NME5: variants seen among roughly 807,000 people sequenced by gnomAD.
The protein encoded by NME5 is NME/NM23 family member 5, also known as nucleoside diphosphate kinase 5.
In NME5, 18 loss-of-function variants were observed where a neutral mutation model predicts 21.6. The ratio of observed to expected loss-of-function variants is 0.83; its 90% CI spans 0.58 to 1.24. The LOEUF (loss-of-function observed/expected upper bound fraction) is 1.24, where lower values mean the gene tolerates loss of function less well. Ranked by LOEUF, NME5 falls within the 50% of genes most tolerant of loss-of-function variation. The pLI is 0.00. For missense variants in NME5, 223 were observed against 255.4 expected (o/e 0.87, Z 0.86); for synonymous variants, 70 against 80.6 (o/e 0.87, Z 0.71).
At position 138,139,403 on chromosome 5, in the gene NME5, T is replaced by G. The variant is rs936735232; in HGVS notation, c.-38A>C. The G allele has an allele frequency of 2.0e-6, 2 of 985,512 alleles. No individual in the cohort carries two copies. The highest frequency in any genetic ancestry group is 3.5e-5 in the African/African-American group (2 of 57,204). 61.0% of individuals were successfully genotyped at this position (985,512 alleles called of 1,614,324 possible). On this transcript the variant is annotated 5_prime_UTR_variant, in exon 1 of 6. Transcript: ENST00000265191. ...GCCGTCCTCATATGGTACAACTTGT[T>G]GCTAGGAGACCTGAAGCCCCAGCGT...
rs774106882 is a variant in NME5, at chr5:138,129,264, T to C, written c.334A>G (p.Ser112Gly). The C allele has an allele frequency of 6.2e-7, 1 of 1,606,734 alleles. No homozygotes were observed. Among genetic ancestry groups the C allele is most frequent in the Admixed American group, 1.7e-5 (1 of 59,934 alleles). The change falls in exon 3 of 6, where the codon AGT becomes GGT. Residue 112 changes from serine to glycine, a missense_variant and splice_region_variant. Coordinates refer to ENST00000265191, the MANE Select transcript of NME5 (RefSeq NM_003551.3). ...CATCCCCCAAACCCTGAAAATTACC[T>C]GTCTGGATGTGTCTCCTTCGCTACT... is the stretch of plus-strand genomic sequence containing the variant. ...SLVAKETHPD[S>G]LRAIYGTDDL...
Position 138,122,228 on chromosome 5 carries a change from C to T in NME5, c.437-3292G>A, listed in dbSNP as rs571831635. 1.7e-4 allele frequency among the ~76,000 whole-genome samples: 26 copies of T among 151,960 alleles called. No homozygotes were observed. The South Asian group carries it at 4.8e-3, about 28-fold the overall frequency. The stretch of plus-strand genomic sequence containing the variant: ...CCAAGGCGGGTGGATCACCTGAAGT[C>T]AGGAGTTTGAGACCAGCCTGCCCAA... On this transcript the variant is annotated intron_variant, in intron 4 of 5. Transcript: ENST00000265191.
At position 138,129,459 on chromosome 5, in the gene NME5, GT is replaced by G. The variant is rs759148309; in HGVS notation, c.138del (p.Lys46AsnfsTer25). ...RSGFTIVQRR[K>X]LRLSPEQCSN... is the part of the protein sequence containing the mutation. ...CTACATTGCTCAGGGCTGAGGCGTA[GT>G]TTTCTTCTCTATAAAAGACACAAAG... is the stretch of plus-strand genomic sequence containing the variant. On this transcript the variant is annotated frameshift_variant, in exon 3 of 6. Coordinates refer to ENST00000265191, the MANE Select transcript of NME5 (RefSeq NM_003551.3). LOFTEE classifies it high-confidence loss of function. 2 of 1,613,292 alleles carry G rather than the reference GT, an allele frequency of 1.2e-6. No homozygotes were observed. The highest frequency in any genetic ancestry group is 1.7e-6 in the Non-Finnish European group (2 of 1,179,404).
chr5:138,130,833 G>A (rs757584175), intron 2 of NME5, among the ~76,000 whole-genome samples: 1 of 152,074 alleles, frequency 6.6e-6, no homozygotes. Context: ...GGCTGAGGCA[G>A]GCCAACAGCT....
At chr5:138,116,468 A>G (rs943738056) in intron 5 of NME5, 8 of 152,168 alleles carry the variant, frequency 5.3e-5, no homozygotes, top group African/African-American at 1.9e-4. Context: ...ACTGATTTGT[A>G]CTCTCAATTT....
chr5:138,124,058 G>A (rs768569775), intron 4 of NME5, among the ~76,000 whole-genome samples: 16 of 136,884 alleles, frequency 1.2e-4, no homozygotes, highest in South Asian at 4.9e-4. Context: ...GTGCAATGGC[G>A]CGATCTTGGC....
intron 3 of NME5, among the ~76,000 whole-genome samples, chr5:138,128,952 T>C (rs1448129830): frequency 6.6e-6 from 1 of 152,198 alleles, no homozygotes; most frequent in Non-Finnish European, 1.5e-5. Flanking sequence ...TCTTTTAAAA[T>C]ACCATTCCAA....
At chr5:138,123,796 T>C (rs1015037924) in intron 4 of NME5, among the ~76,000 whole-genome samples, 2 of 152,142 alleles carry the variant, frequency 1.3e-5, no homozygotes. Flanking sequence ...CTTGAGGAAC[T>C]TCCATACTGT....
In NME5 at chr5:138,138,805, A is replaced by G; in HGVS notation, c.-5-20T>C. 1 of 1,592,988 alleles carries G rather than the reference A, an allele frequency of 6.3e-7. No individual in the cohort carries two copies. Among genetic ancestry groups the G allele is most frequent in the Non-Finnish European group, 8.5e-7 (1 of 1,174,184 alleles). ...TTATGGCTTTTCAGGGCACAAATTA[A>G]GAGTTTCTTAACAGGTATCAACTGC... On this transcript the variant is annotated intron_variant, in intron 1 of 5. Coordinates refer to ENST00000265191, the MANE Select transcript of NME5 (RefSeq NM_003551.3).
At chr5:138,131,172 G>T (rs1751556849) in intron 2 of NME5, among the ~76,000 whole-genome samples, 1 of 136,502 alleles carries the variant, frequency 7.3e-6, no homozygotes, top group African/African-American at 2.8e-5. Context: ...TTCAAGACCA[G>T]CCTGGCCAAC....
At chr5:138,139,325 G>A in intron 1 of NME5, 46 bp downstream of exon 1, 1 of 983,184 alleles carries the variant, frequency 1.0e-6, no homozygotes. Context: ...GGGACTTTCC[G>A]GGTTGCACCT....
chr5:138,127,618 T>C (rs1366232660), intron 4 of NME5: 1 of 984,582 alleles, frequency 1.0e-6, no homozygotes, highest in Non-Finnish European at 1.2e-6. Flanking sequence ...CCAAATTTTA[T>C]TTCTGCTCTA....
chr5:138,128,413 C>A, intron 4 of NME5, 66 bp downstream of exon 4: 2 of 1,210,944 alleles, frequency 1.7e-6, no homozygotes, highest in South Asian at 1.4e-5. Flanking sequence ...CAGCTATATC[C>A]GCAAAATAAA....
At chr5:138,134,877 G>A (rs1361918467) in intron 2 of NME5, among the ~76,000 whole-genome samples, 2 of 150,530 alleles carry the variant, frequency 1.3e-5, no homozygotes, top group East Asian at 2.0e-4. Context: ...CACTGCGCCC[G>A]GCTAATTTTT....
intron 3 of NME5, 62 bp from the exon 4 acceptor site, chr5:138,128,641 T>C: frequency 1.9e-6 from 2 of 1,080,612 alleles, no homozygotes; most frequent in African/African-American, 1.6e-5. Context: ...TTTATATGCA[T>C]GCATTCCACT....
intron 4 of NME5, among the ~76,000 whole-genome samples, chr5:138,124,100 G>A (rs1304568481): frequency 7.0e-6 from 1 of 143,500 alleles, no homozygotes; most frequent in Non-Finnish European, 1.5e-5. Context: ...GGGTTCAAGT[G>A]GTTATCCTGC....
At chr5:138,133,529 C>T (rs1429450365) in intron 2 of NME5, among the ~76,000 whole-genome samples, 1 of 152,176 alleles carries the variant, frequency 6.6e-6, no homozygotes, top group East Asian at 1.9e-4. Context: ...ACCCTGAACA[C>T]ACCCGATCTC....
At chr5:138,123,984 A>ATTT (rs1362892422) in intron 4 of NME5, among the ~76,000 whole-genome samples, 1 of 49,400 alleles carries the variant, frequency 2.0e-5, no homozygotes, top group Non-Finnish European at 4.2e-5. Context: ...GATTTTGAGC[A>ATTT]CTTTTTTTTT....
chr5:138,128,764 C>A, intron 3 of NME5, 185 bp from the exon 4 acceptor site: 1 of 476,880 alleles, frequency 2.1e-6, no homozygotes, highest in Admixed American at 3.9e-5. Context: ...AATATATTTA[C>A]GTCTGCAGGA....
Sources: gnomAD v4.1 joint callset for allele counts (sites outside exome capture counted in the v4.1 genomes callset) on GRCh38, gnomAD v4.1.1 for gene constraint, MANE v1.5 for transcripts, NCBI Gene and HGNC (gene_info 2026-07-23, HGNC 2026-07-21) for gene names.